PTPRO: variants seen among roughly 807,000 people sequenced by gnomAD.
PTPRO encodes the protein receptor-type tyrosine-protein phosphatase O.
In PTPRO, 62 loss-of-function variants were observed where a neutral mutation model predicts 145.2. The observed-to-expected ratio is 0.43, with a 90% CI of 0.35 to 0.53. The LOEUF (loss-of-function observed/expected upper bound fraction) is 0.53. Among genes scored for constraint, PTPRO ranks in the 20% least tolerant of loss-of-function variants. The pLI, the probability that PTPRO is intolerant of heterozygous loss-of-function variation, is 0.01. For synonymous variants in PTPRO, 565 were observed against 514.7 expected, an observed-to-expected ratio of 1.10 and a Z score of -1.32; for missense variants, 1,345 against 1,482.7, an observed-to-expected ratio of 0.91 and a Z score of 1.53.
At chr12:15,385,204 C>T (rs1027266034) in intron 1 of PTPRO, among the ~76,000 whole-genome samples, 2 of 152,066 alleles carry the variant, frequency 1.3e-5, no homozygotes, top group Admixed American at 6.5e-5. Flanking sequence ...CAGAATCCTC[C>T]AGATACAAAG....
At chr12:15,441,321 C>A (rs1002358649) in intron 1 of PTPRO, among the ~76,000 whole-genome samples, 2 of 144,890 alleles carry the variant, frequency 1.4e-5, no homozygotes, top group Non-Finnish European at 3.1e-5. Context: ...AACAGAGACA[C>A]AACATACCAA....
rs4764206 is a variant in PTPRO, at chr12:15,551,216, G to A, written c.2438-335G>A. Among the ~76,000 whole-genome samples, 151,163 of 152,348 alleles carry A rather than the reference G, an allele frequency of 0.99. 75,019 individuals carry two copies. Among genetic ancestry groups the A allele is most frequent in the Middle Eastern group, 1 (294 of 294 alleles). The stretch of plus-strand genomic sequence containing the variant: ...AAATGTTAAAAAACGATAATGCATG[G>A]TAATGACTTCCACATTTTTAGCTTT... On this transcript the variant is annotated intron_variant, in intron 14 of 26. Transcript: ENST00000281171.
intron 2 of PTPRO, among the ~76,000 whole-genome samples, chr12:15,490,445 T>G (rs576746959): frequency 1.4e-4 from 21 of 152,198 alleles, no homozygotes; most frequent in Non-Finnish European, 2.9e-4. Flanking sequence ...ATAATTAAAC[T>G]TTATAGACAC....
chr12:15,541,935 T>C (rs998342463), intron 12 of PTPRO, among the ~76,000 whole-genome samples: 2 of 151,954 alleles, frequency 1.3e-5, no homozygotes, highest in Non-Finnish European at 2.9e-5. Context: ...CGCTTGAATC[T>C]GGGAGGTGGA....
Position 15,497,345 on chromosome 12 carries a change from C to A in PTPRO, c.450C>A (p.Phe150Leu). 1 of 1,612,530 alleles carries A rather than the reference C, an allele frequency of 6.2e-7. No homozygotes were observed. Among genetic ancestry groups the A allele is most frequent in the South Asian group, 1.1e-5 (1 of 91,046 alleles). The change falls in exon 3 of 27, where the codon TTC becomes TTA. Residue 150 changes from phenylalanine to leucine, a missense_variant. Phe to Leu is a conservative substitution (Grantham distance 22). Around this residue, in one of 3 missense-constraint regions of PTPRO, gnomAD observed 1,130 missense variants for 1,214.7 expected, o/e 0.93. Coordinates refer to ENST00000281171, the MANE Select transcript of PTPRO (RefSeq NM_030667.3). ...ATTATCCAGAAAAATATAACGTTTT[C>A]ACAAGAGTGAACATTAGCTACTGGG... The part of the protein sequence containing the change: ...EIHYPEKYNV[F>L]TRVNISYWEG...
intron 1 of PTPRO, among the ~76,000 whole-genome samples, chr12:15,450,910 A>G (rs990837524): frequency 2.0e-5 from 3 of 152,174 alleles, no homozygotes; most frequent in African/African-American, 7.2e-5. Flanking sequence ...CACAGGACCT[A>G]TAAAACAACA....
intron 1 of PTPRO, among the ~76,000 whole-genome samples, chr12:15,443,564 C>A (rs1490662904): frequency 6.6e-6 from 1 of 152,008 alleles, no homozygotes; most frequent in Non-Finnish European, 1.5e-5. Context: ...AACAGACAAC[C>A]TAAAGACAGG....
chr12:15,550,556 G>A lies in PTPRO; in HGVS notation c.2438-995G>A, dbSNP rs540931080. ...GATATTATTAAACTTATTTATAAAT[G>A]AGGAAAATGAGGCCCATAGGGCAGA... On this transcript the variant is annotated intron_variant, in intron 14 of 26. Transcript: ENST00000281171. 9.9e-5 allele frequency among the ~76,000 whole-genome samples: 15 copies of A among 152,278 alleles called. No homozygotes were observed. In the South Asian group the frequency reaches 3.1e-3, roughly 32 times the overall value.
intron 1 of PTPRO, among the ~76,000 whole-genome samples, chr12:15,368,584 G>C (rs905965061): frequency 1.3e-5 from 2 of 152,158 alleles, no homozygotes; most frequent in South Asian, 2.1e-4. Flanking sequence ...TCAAAAAATG[G>C]AGTTGAATGA....
intron 1 of PTPRO, among the ~76,000 whole-genome samples, chr12:15,394,675 A>G (rs1939286843): frequency 6.6e-6 from 1 of 152,184 alleles, no homozygotes; most frequent in South Asian, 2.1e-4. Context: ...TCTTTGCTGA[A>G]ATGGGACAAG....
chr12:15,440,309 A>G (rs1940726782), intron 1 of PTPRO: 1 of 508,042 alleles, frequency 2.0e-6, no homozygotes, highest in Non-Finnish European at 3.5e-6. Context: ...TGTATTCACC[A>G]TGTCTCCCTA....
chr12:15,573,151 TGAC>T (rs374267262), intron 19 of PTPRO, among the ~76,000 whole-genome samples: 1 of 152,134 alleles, frequency 6.6e-6, no homozygotes, highest in Non-Finnish European at 1.5e-5. Flanking sequence ...TTATGGAGGC[TGAC>T]AAGTCTGAAA....
At chr12:15,379,955 T>C (rs75901427) in intron 1 of PTPRO, among the ~76,000 whole-genome samples, 17,576 of 152,160 alleles carry the variant, frequency 0.12, 1,992 homozygotes, top group African/African-American at 0.3. Flanking sequence ...ATGTGGATTA[T>C]ATCTTAAAAC....
chr12:15,589,584 G>T lies in PTPRO; in HGVS notation c.3540G>T (p.Gln1180His). ...EMRSYRMSMVQTEEQYIFIHQ... is the reference protein window; with the variant it reads ...EMRSYRMSMVHTEEQYIFIHQ... ...GGTCATACCGGATGTCTATGGTACA[G>T]ACAGAGGTAGGAACATAATCTATAT... Residue 1180 changes from glutamine to histidine, a missense_variant, in exon 25 of 27, where the codon CAG becomes CAT. Physicochemically the swap from Gln to His is conservative, Grantham distance 24. This residue lies in a region of PTPRO where 208 missense variants were observed against 242.8 expected (regional missense o/e 0.86). Transcript: ENST00000281171. The T allele has an allele frequency of 6.2e-7, 1 of 1,614,056 alleles. No individual in the cohort carries two copies. Among genetic ancestry groups the T allele is most frequent in the Non-Finnish European group, 8.5e-7 (1 of 1,179,966 alleles).
chr12:15,389,038 G>A (rs1055929589), intron 1 of PTPRO, among the ~76,000 whole-genome samples: 5 of 150,652 alleles, frequency 3.3e-5, no homozygotes, highest in African/African-American at 7.3e-5. Context: ...TTTTTCCAAC[G>A]TGATTGTGCC....
At chr12:15,335,609 A>G (rs1016084464) in intron 1 of PTPRO, among the ~76,000 whole-genome samples, 9 of 152,132 alleles carry the variant, frequency 5.9e-5, no homozygotes, top group African/African-American at 1.9e-4. Flanking sequence ...GTATTGACAA[A>G]GCTTTGCTAA....
Position 15,484,006 on chromosome 12 carries a change from T to C in PTPRO, c.108T>C (p.Asp36=), listed in dbSNP as rs17762440. The change falls in exon 2 of 27, where the codon GAT becomes GAC. Residue 36 remains aspartate (D), a synonymous_variant. Transcript: ENST00000281171. Reference sequence around the variant, plus strand: ...CAGCTTTCCATGTAACTGTCCAAGATGATAATAACATCGTTGTCTCATTAG... The same window carrying C: ...CAGCTTTCCATGTAACTGTCCAAGACGATAATAACATCGTTGTCTCATTAG... The part of the protein sequence containing the change: ...NATAFHVTVQ[D]DNNIVVSLEA... 47,164 of 1,613,578 alleles carry C rather than the reference T, an allele frequency of 0.029. 896 individuals are homozygous for C. The highest frequency in any genetic ancestry group is 0.034 in the Non-Finnish European group (39,940 of 1,179,506).
intron 9 of PTPRO, among the ~76,000 whole-genome samples, chr12:15,518,000 C>T (rs373402382): frequency 8.3e-6 from 1 of 120,614 alleles, no homozygotes; most frequent in East Asian, 2.5e-4. Context: ...ACTCTGTGTG[C>T]AGTCTCCAGC....
At chr12:15,440,050 G>A in intron 1 of PTPRO, 1 of 648,202 alleles carries the variant, frequency 1.5e-6, no homozygotes, top group South Asian at 1.7e-5. Context: ...AGATCTGCAA[G>A]CCCCACACTG....
Sources: allele counts gnomAD v4.1 joint callset (sites outside exome capture counted in the v4.1 genomes callset), GRCh38; gene constraint gnomAD v4.1.1; regional missense constraint gnomAD v4.1.1; transcripts MANE v1.5; gene names NCBI Gene and HGNC (gene_info 2026-07-23, HGNC 2026-07-21).